The following SEPTIN7 variants were observed in gnomAD, a reference collection of about 807,000 sequenced individuals.
SEPTIN7 encodes septin-7.
Under a neutral mutation model 63.3 loss-of-function variants are expected in SEPTIN7, and 10 were observed. The observed-to-expected ratio is 0.16, with a 90% confidence interval of 0.10 to 0.27. The LOEUF (loss-of-function observed/expected upper bound fraction) is 0.27, where lower values mean the gene tolerates loss of function less well. SEPTIN7 is among the 10% of genes least tolerant of loss of function. The pLI is 1.00. For missense variants in SEPTIN7, 310 were observed against 521.0 expected (o/e 0.59, Z 3.94); for synonymous variants, 131 against 165.3 (o/e 0.79, Z 1.59).
At chr7:35,913,403 TTC>T in the SEPTIN7 span, among the ~76,000 whole-genome samples, 17 of 149,184 alleles carry the variant, frequency 1.1e-4, no homozygotes, top group African/African-American at 3.9e-4. Flanking sequence ...CTTTCTTTCT[TTC>T]TCTTTCTTTC....
intron 3 of SEPTIN7, among the ~76,000 whole-genome samples, chr7:35,842,793 G>A (rs1784472185): frequency 6.6e-6 from 1 of 152,110 alleles, no homozygotes; most frequent in Non-Finnish European, 1.5e-5. Flanking sequence ...GGATATTTGA[G>A]ATGGATGCTT....
chr7:35,910,910 T>C (rs1164489786), downstream of SEPTIN7, among the ~76,000 whole-genome samples: 10 of 152,150 alleles, frequency 6.6e-5, no homozygotes, highest in South Asian at 1.9e-3. Flanking sequence ...TAACTTGGGG[T>C]ACAGGCTATG....
the SEPTIN7 span, among the ~76,000 whole-genome samples, chr7:35,912,651 G>C: frequency 6.6e-6 from 1 of 152,138 alleles, no homozygotes; most frequent in African/African-American, 2.4e-5. Context: ...TTGAAAGCAG[G>C]TACAGCGGAC....
intron 3 of SEPTIN7, among the ~76,000 whole-genome samples, chr7:35,857,844 A>C (rs567202057): frequency 1.3e-5 from 2 of 152,314 alleles, no homozygotes; most frequent in Non-Finnish European, 2.9e-5. Flanking sequence ...TAAAGGGAGA[A>C]ACCTTCATCA....
chr7:35,808,479 TG>T (rs1788495885), intron 1 of SEPTIN7, among the ~76,000 whole-genome samples: 1 of 152,226 alleles, frequency 6.6e-6, no homozygotes, highest in Admixed American at 6.5e-5. Flanking sequence ...TCAGTCTGTT[TG>T]TGCTGCTCCA....
chr7:35,836,217 A>C (rs1461754645), intron 3 of SEPTIN7, among the ~76,000 whole-genome samples: 2 of 152,130 alleles, frequency 1.3e-5, no homozygotes, highest in Non-Finnish European at 2.9e-5. Flanking sequence ...TTGGCTTGGA[A>C]CTTGACTATC....
chr7:35,846,350 A>G (rs1784666185), intron 3 of SEPTIN7, among the ~76,000 whole-genome samples: 1 of 152,090 alleles, frequency 6.6e-6, no homozygotes, highest in Non-Finnish European at 1.5e-5. Context: ...TTAAAATATT[A>G]TTGCAGTGTT....
At chr7:35,823,118 T>C (rs1783313567) in intron 1 of SEPTIN7, among the ~76,000 whole-genome samples, 1 of 152,146 alleles carries the variant, frequency 6.6e-6, no homozygotes, top group Admixed American at 6.5e-5. Context: ...AAAGAAATAA[T>C]AACCCTGTGG....
At chr7:35,889,216 C>G (rs776061214) in intron 10 of SEPTIN7, among the ~76,000 whole-genome samples, 4 of 152,192 alleles carry the variant, frequency 2.6e-5, no homozygotes, top group Non-Finnish European at 4.4e-5. Context: ...ATGAACTGTT[C>G]AGTGTCAGCC....
intron 3 of SEPTIN7, among the ~76,000 whole-genome samples, chr7:35,849,486 C>T (rs1784850226): frequency 6.6e-6 from 1 of 152,186 alleles, no homozygotes. Context: ...CAGTAGTGTT[C>T]ACTACCACTC....
intron 9 of SEPTIN7, among the ~76,000 whole-genome samples, chr7:35,885,108 C>T (rs565608821): frequency 6.6e-6 from 1 of 152,190 alleles, no homozygotes; most frequent in South Asian, 2.1e-4. Flanking sequence ...CATCATGCTC[C>T]TCCCACATCA....
chr7:35,832,255 T>C, intron 2 of SEPTIN7: 1 of 342,866 alleles, frequency 2.9e-6, no homozygotes, highest in Non-Finnish European at 5.6e-6. Context: ...TGAATGATAC[T>C]GTAGCTGGTT....
chr7:35,826,092 T>A (rs1783500668), intron 1 of SEPTIN7, among the ~76,000 whole-genome samples: 1 of 152,056 alleles, frequency 6.6e-6, no homozygotes, highest in African/African-American at 2.4e-5. Flanking sequence ...ATCTAGAATC[T>A]AGGCATTTTT....
chr7:35,825,880 C>T (rs1227464711), intron 1 of SEPTIN7, among the ~76,000 whole-genome samples: 1 of 152,032 alleles, frequency 6.6e-6, no homozygotes, highest in East Asian at 1.9e-4. Flanking sequence ...AACAGATTAA[C>T]TGAGAATCCA....
At chr7:35,832,722 A>C (rs1783893122) in intron 2 of SEPTIN7, 76 bp from the exon 3 acceptor site, 2 of 824,340 alleles carry the variant, frequency 2.4e-6, no homozygotes. Flanking sequence ...AAAATAGGTT[A>C]ATGAAGGGAA....
rs1342846915 is a variant in SEPTIN7 at position 35,833,034 on chromosome 7, C to T, written c.169+134C>T. The T allele has an allele frequency of 1.2e-5, 7 of 589,424 alleles. No individual in the cohort carries two copies. The Admixed American group carries it at 1.6e-4, about 13-fold the overall frequency. 36.5% of individuals were successfully genotyped at this position (589,424 alleles called of 1,614,324 possible). A position where few individuals can be genotyped will look rare whatever the true frequency, so the allele number is the denominator to read the frequency against. ...TCTTTGTTGTATTTTCTCTTATGTGCATACATTTTAAAATTTAACTCAGTG... is the reference window on the plus strand; with the variant it reads ...TCTTTGTTGTATTTTCTCTTATGTGTATACATTTTAAAATTTAACTCAGTG... On this transcript the variant is annotated intron_variant, in intron 3 of 13. Transcript: ENST00000350320.
intron 9 of SEPTIN7, among the ~76,000 whole-genome samples, chr7:35,885,423 A>G (rs1273575420): frequency 6.6e-6 from 1 of 152,158 alleles, no homozygotes; most frequent in Non-Finnish European, 1.5e-5. Flanking sequence ...AAAGAACCTG[A>G]AAGTTCTTGG....
chr7:35,891,761 A>G (rs1370081032), intron 11 of SEPTIN7, among the ~76,000 whole-genome samples: 11 of 152,142 alleles, frequency 7.2e-5, no homozygotes, highest in African/African-American at 2.7e-4. Flanking sequence ...CAATAATCTT[A>G]CTTTGCTGTA....
At chr7:35,827,409 A>G (rs758870068) in intron 1 of SEPTIN7, among the ~76,000 whole-genome samples, 2 of 152,186 alleles carry the variant, frequency 1.3e-5, no homozygotes, top group African/African-American at 4.8e-5. Flanking sequence ...TGAATTACAG[A>G]CTATGGTTGA....
Sources: allele counts gnomAD v4.1 joint callset (sites outside exome capture counted in the v4.1 genomes callset), GRCh38; gene constraint gnomAD v4.1.1; transcripts MANE v1.5; gene names NCBI Gene and HGNC (gene_info 2026-07-23, HGNC 2026-07-21).